Variants in DOCK8 observed in about 807,000 individuals in gnomAD.
DOCK8 encodes the protein dedicator of cytokinesis protein 8.
DOCK8 carries 141 observed loss-of-function variants against 245.6 expected under a neutral mutation model. The observed-to-expected ratio is 0.57, with a 90% confidence interval of 0.50 to 0.66. DOCK8 has a LOEUF of 0.66. DOCK8 is among the 30% of genes least tolerant of loss of function. The probability of loss-of-function intolerance (pLI) is 0.00; values close to 1 mark genes in which losing one functional copy is unlikely to be tolerated. For missense variants in DOCK8, 2,965 were observed against 2,603.4 expected, an observed-to-expected ratio of 1.14 and a Z score of -3.02; for synonymous variants, 1,168 against 970.2, an observed-to-expected ratio of 1.20 and a Z score of -3.79.
intron 28 of DOCK8, among the ~76,000 whole-genome samples, chr9:410,955 G>C (rs2055694146): frequency 6.6e-6 from 1 of 152,094 alleles, no homozygotes; most frequent in African/African-American, 2.4e-5. Context: ...ACAATTGAAA[G>C]CCATCAAATT....
Position 220,717 on chromosome 9 carries a change from C to CTTT in DOCK8, c.53+5701_53+5703dup, listed in dbSNP as rs3046368. 7.0e-3 allele frequency: 2,503 copies of CTTT among 359,666 alleles called. 9 individuals carry two copies. The highest frequency in any genetic ancestry group is 0.016 in the South Asian group (789 of 47,932). 22.3% of individuals were successfully genotyped at this position (359,666 alleles called of 1,614,324 possible). A position where few individuals can be genotyped will look rare whatever the true frequency, so the allele number is the denominator to read the frequency against. ...CCACAAGCAGTAGTCTAATTTCTTTCTTTTTTTTTTTTTTTCTTTTTTTGA... is the reference window on the plus strand; with the variant it reads ...CCACAAGCAGTAGTCTAATTTCTTTCTTTTTTTTTTTTTTTTTTCTTTTTTTGA... On this transcript the variant is annotated intron_variant, in intron 1 of 47. Coordinates refer to ENST00000432829, the MANE Select transcript of DOCK8 (RefSeq NM_203447.4).
At chr9:299,086 C>T (rs1043220051) in intron 4 of DOCK8, among the ~76,000 whole-genome samples, 19 of 152,026 alleles carry the variant, frequency 1.2e-4, no homozygotes, top group African/African-American at 2.4e-4. Context: ...TAATTTTAGG[C>T]GATAACTTAA....
intron 20 of DOCK8, among the ~76,000 whole-genome samples, chr9:378,282 C>T (rs1045292392): frequency 2.7e-4 from 41 of 152,192 alleles, no homozygotes; most frequent in Middle Eastern, 3.4e-3. Flanking sequence ...GAGTGAAAAC[C>T]GACAGAATAG....
intron 4 of DOCK8, among the ~76,000 whole-genome samples, chr9:300,029 A>AG (rs1037479766): frequency 3.9e-5 from 6 of 151,964 alleles, no homozygotes; most frequent in African/African-American, 1.5e-4. Flanking sequence ...CAAAAAAAAA[A>AG]AAAAAAGATG....
chr9:396,659 C>G (rs1586894448), intron 24 of DOCK8, 126 bp from the exon 25 acceptor site: 2 of 1,338,452 alleles, frequency 1.5e-6, no homozygotes, highest in African/African-American at 1.4e-5. Context: ...CGGGCACCAC[C>G]AGCACAGATA....
intron 40 of DOCK8, among the ~76,000 whole-genome samples, chr9:440,476 A>T (rs1056557469): frequency 2.0e-5 from 3 of 151,994 alleles, no homozygotes; most frequent in Non-Finnish European, 2.9e-5. Context: ...CTACAATTTT[A>T]TTTATTTTAA....
chr9:399,696 T>A (rs2054651582), intron 26 of DOCK8, among the ~76,000 whole-genome samples: 1 of 152,048 alleles, frequency 6.6e-6, no homozygotes. Flanking sequence ...TGTTCTTAAA[T>A]AAAATCATTC....
chr9:403,862 C>CTCTGTCTCTCTG (rs201762686), intron 26 of DOCK8, among the ~76,000 whole-genome samples: 81 of 69,914 alleles, frequency 1.2e-3, no homozygotes, highest in South Asian at 3.8e-3. Context: ...CTCTGTATCT[C>CTCTGTCTCTCTG]TCTCTCTCTC....
In DOCK8 at chr9:378,860, C is replaced by T. The variant is rs79269462; in HGVS notation, c.2441-911C>T. Among the ~76,000 whole-genome samples the T allele has an allele frequency of 4.6e-3, 702 of 152,330 alleles. 3 individuals carry two copies. Among genetic ancestry groups the T allele is most frequent in the Non-Finnish European group, 7.4e-3 (501 of 68,032 alleles). ...CACAAAAGATGTGAGAAATGCACTT[C>T]GCATGGGAAGGATTCCAGCTTTCAC... On this transcript the variant is annotated intron_variant, in intron 20 of 47. Transcript: ENST00000432829.
At chr9:407,416 C>A (rs567985938) in intron 28 of DOCK8, among the ~76,000 whole-genome samples, 2 of 152,212 alleles carry the variant, frequency 1.3e-5, no homozygotes, top group African/African-American at 2.4e-5. Context: ...GGATAGCATG[C>A]AGAGGCAACC....
intron 14 of DOCK8, among the ~76,000 whole-genome samples, chr9:367,097 A>G (rs186250399): frequency 1.3e-5 from 2 of 152,354 alleles, no homozygotes; most frequent in Non-Finnish European, 2.9e-5. Flanking sequence ...GACAATGATA[A>G]TAGTACCAAC....
chr9:441,374 C>A lies in DOCK8; in HGVS notation c.5312C>A (p.Thr1771Asn). Residue 1771 changes from threonine to asparagine, a missense_variant, in exon 41 of 48, where the codon ACT (threonine) becomes AAT (asparagine). Thr to Asn is a moderately conservative substitution (Grantham distance 65, BLOSUM62 0). Coordinates refer to ENST00000432829, the MANE Select transcript of DOCK8 (RefSeq NM_203447.4). ...AHREFRKLTL[T>N]HSKLQRAFDS... ...CGAGAATTCCGGAAGCTGACACTCACTCACAGCAAGCTGCAGAGAGCCTTC... is the reference window on the plus strand; with the variant it reads ...CGAGAATTCCGGAAGCTGACACTCAATCACAGCAAGCTGCAGAGAGCCTTC... 1.9e-6 allele frequency: 3 copies of A among 1,614,232 alleles called. No individual in the cohort carries two copies. Among genetic ancestry groups the A allele is most frequent in the Non-Finnish European group, 2.5e-6 (3 of 1,180,040 alleles).
rs368725266 is a variant in DOCK8 at position 370,251 on chromosome 9, G to A, written c.1819G>A (p.Gly607Arg). 17 of 1,614,020 alleles carry A rather than the reference G, an allele frequency of 1.1e-5. No individual in the cohort carries two copies. The Middle Eastern group carries it at 4.9e-4, about 47-fold the overall frequency. ...ACAGGTCATCTTTGGAAAATCCAGC[G>A]GGCCTGAATTTCTGCAGGAAGTGTA... The part of the protein sequence containing the change: ...AMPVIFGKSS[G>R]PEFLQEVYTA... Residue 607 changes from glycine to arginine, a missense_variant, in exon 16 of 48, where the codon GGG (glycine) becomes AGG (arginine). By Grantham distance (125) the Gly-to-Arg change is moderately radical. Around this residue, in one of 3 missense-constraint regions of DOCK8, gnomAD observed 2,825 missense variants for 2,453.5 expected, o/e 1.15. Coordinates refer to ENST00000432829, the MANE Select transcript of DOCK8 (RefSeq NM_203447.4).
chr9:273,063 AAC>A, intron 2 of DOCK8: 5 of 985,426 alleles, frequency 5.1e-6, no homozygotes, highest in Non-Finnish European at 6.0e-6. Context: ...TGTCTCCTGT[AAC>A]AATTTACGCG....
At chr9:221,284 T>G (rs768394006) in intron 1 of DOCK8, among the ~76,000 whole-genome samples, 1 of 152,158 alleles carries the variant, frequency 6.6e-6, no homozygotes, top group Non-Finnish European at 1.5e-5. Context: ...TCTATTCTCA[T>G]GTTCATCATC....
At chr9:341,477 T>A (rs1333673644) in intron 14 of DOCK8, among the ~76,000 whole-genome samples, 1 of 152,232 alleles carries the variant, frequency 6.6e-6, no homozygotes, top group Non-Finnish European at 1.5e-5. Flanking sequence ...TTGTTTTCTG[T>A]GTTTTTATAT....
intron 1 of DOCK8, among the ~76,000 whole-genome samples, chr9:230,369 A>G (rs2047084601): frequency 1.3e-5 from 2 of 152,112 alleles, no homozygotes. Context: ...ATACGTGTGC[A>G]TGTGTCTTTA....
intron 14 of DOCK8, chr9:366,227 T>C (rs536154175): frequency 1.3e-5 from 2 of 153,456 alleles, no homozygotes; most frequent in African/African-American, 4.8e-5. Flanking sequence ...TTGAAGCTCA[T>C]TGAGTATTGT....
intron 43 of DOCK8, among the ~76,000 whole-genome samples, chr9:443,751 T>C (rs986301573): frequency 3.3e-5 from 5 of 152,268 alleles, no homozygotes; most frequent in African/African-American, 7.2e-5. Flanking sequence ...TGGAACTGCA[T>C]TAGGCCCTCT....
Sources: gnomAD v4.1 joint callset for allele counts (sites outside exome capture counted in the v4.1 genomes callset) on GRCh38, gnomAD v4.1.1 for gene constraint, gnomAD v4.1.1 regional missense constraint, MANE v1.5 for transcripts, NCBI Gene and HGNC (gene_info 2026-07-23, HGNC 2026-07-21) for gene names.